The following DCLK1 variants were observed in gnomAD, a reference collection of about 807,000 sequenced individuals.
DCLK1 encodes the protein doublecortin like kinase 1.
Under a neutral mutation model 86.2 loss-of-function variants are expected in DCLK1, and 16 were observed. The observed-to-expected ratio is 0.19, with a 90% confidence interval of 0.13 to 0.28. DCLK1 has a LOEUF of 0.28. Among genes scored for constraint, DCLK1 ranks in the 10% least tolerant of loss-of-function variants. The pLI, the probability that DCLK1 is intolerant of heterozygous loss-of-function variation, is 1.00. For missense variants in DCLK1, 590 were observed against 940.2 expected, an observed-to-expected ratio of 0.63 and a Z score of 4.87; for synonymous variants, 369 against 370.5, an observed-to-expected ratio of 1.00 and a Z score of 0.05.
At chr13:35,840,054 A>T (rs1282763077) in intron 6 of DCLK1, among the ~76,000 whole-genome samples, 1 of 152,130 alleles carries the variant, frequency 6.6e-6, no homozygotes, top group Non-Finnish European at 1.5e-5. Context: ...GGTTGGCCTG[A>T]TGGGAGCAGG....
At chr13:35,982,260 A>T (rs1318170526) in intron 3 of DCLK1, among the ~76,000 whole-genome samples, 1 of 151,956 alleles carries the variant, frequency 6.6e-6, no homozygotes, top group South Asian at 2.1e-4. Flanking sequence ...CGTGCCTGTA[A>T]TCCCCTTGCT....
chr13:35,797,006 G>A (rs1332439827), intron 15 of DCLK1, among the ~76,000 whole-genome samples: 1 of 152,136 alleles, frequency 6.6e-6, no homozygotes. Context: ...TCTGTCAAGT[G>A]GAGACTGGGT....
intron 3 of DCLK1, among the ~76,000 whole-genome samples, chr13:35,989,711 C>CTTT (rs567228278): frequency 0.33 from 44,768 of 133,756 alleles, 8,356 homozygotes; most frequent in Non-Finnish European, 0.42. Context: ...GGCTAATTGG[C>CTTT]TTTTTTTTTT....
chr13:36,111,928 C>T lies in DCLK1; in HGVS notation c.664G>A (p.Asp222Asn), dbSNP rs1185208328. 6.2e-7 allele frequency: 1 copy of T among 1,614,216 alleles called. No individual in the cohort carries two copies. The highest frequency in any genetic ancestry group is 8.5e-7 in the Non-Finnish European group (1 of 1,180,054). ...SFEQVLTDIT[D>N]AIKLDSGVVK... is the part of the protein sequence containing the mutation. ...ACTCCCGAGTCCAGCTTGATGGCAT[C>T]GGTGATATCGGTGAGGACCTGCTCA... is the stretch of plus-strand genomic sequence containing the variant. Residue 222 changes from aspartate (D) to asparagine (N), a missense_variant, in exon 3 of 17, where the codon GAT becomes AAT. Transcript: ENST00000360631.
intron 3 of DCLK1, among the ~76,000 whole-genome samples, chr13:35,982,617 T>G (rs564543312): frequency 6.6e-6 from 1 of 152,256 alleles, no homozygotes; most frequent in East Asian, 1.9e-4. Flanking sequence ...TTACTATAAA[T>G]AACACAAGCG....
chr13:35,854,275 A>G (rs148467743), intron 6 of DCLK1, among the ~76,000 whole-genome samples: 1 of 152,362 alleles, frequency 6.6e-6, no homozygotes, highest in Admixed American at 6.5e-5. Flanking sequence ...AAAGTGAAGT[A>G]GCAAAGGTGC....
chr13:35,886,007 CTTTT>C (rs10589320), intron 4 of DCLK1, among the ~76,000 whole-genome samples: 3 of 130,712 alleles, frequency 2.3e-5, no homozygotes, highest in Non-Finnish European at 3.2e-5. Context: ...GAATAGGTTC[CTTTT>C]TTTTTTTTTT....
intron 4 of DCLK1, among the ~76,000 whole-genome samples, chr13:35,914,798 CAG>C (rs1875314024): frequency 6.6e-6 from 1 of 151,740 alleles, no homozygotes; most frequent in South Asian, 2.1e-4. Flanking sequence ...CACGAAAAGA[CAG>C]AAGTTTTTTT....
intron 3 of DCLK1, among the ~76,000 whole-genome samples, chr13:36,102,867 T>C (rs8002301): frequency 0.68 from 103,586 of 152,052 alleles, 36,062 homozygotes; most frequent in East Asian, 0.98. Context: ...AGTCAGAAGA[T>C]AGACAAAAGA....
intron 11 of DCLK1, among the ~76,000 whole-genome samples, chr13:35,815,005 A>G (rs906092044): frequency 9.9e-5 from 15 of 152,230 alleles, no homozygotes; most frequent in African/African-American, 3.1e-4. Context: ...TTAAATGGCA[A>G]CAATTATGAA....
chr13:36,036,005 A>G (rs1256576220), intron 3 of DCLK1, among the ~76,000 whole-genome samples: 1 of 152,082 alleles, frequency 6.6e-6, no homozygotes. Flanking sequence ...TGGAGGCAGG[A>G]CTTGGACACT....
Position 36,038,606 on chromosome 13 carries a change from T to C in DCLK1, c.723+73263A>G, listed in dbSNP as rs80158342. Among the ~76,000 whole-genome samples the C allele has an allele frequency of 7.3e-3, 1,116 of 152,286 alleles. 20 individuals carry two copies. Among genetic ancestry groups the C allele is most frequent in the South Asian group, 0.047 (226 of 4,818 alleles). ...AGCAACTTATGCACAACTGATCTTT[T>C]AGAAGCAACATATTTGGTGATGCTA... On this transcript the variant is annotated intron_variant, in intron 3 of 16. Coordinates refer to ENST00000360631, the MANE Select transcript of DCLK1 (RefSeq NM_001330071.2).
chr13:35,861,357 T>C (rs1355770096), intron 5 of DCLK1, among the ~76,000 whole-genome samples: 1 of 152,160 alleles, frequency 6.6e-6, no homozygotes, highest in South Asian at 2.1e-4. Context: ...ATGGTCATGA[T>C]AGGGGAATTG....
intron 15 of DCLK1, among the ~76,000 whole-genome samples, chr13:35,797,046 C>T (rs1204920521): frequency 1.3e-5 from 2 of 152,222 alleles, no homozygotes; most frequent in South Asian, 4.2e-4. Flanking sequence ...GTCAACGTGA[C>T]CTATTAGGGC....
intron 12 of DCLK1, among the ~76,000 whole-genome samples, chr13:35,809,509 T>G (rs1373094393): frequency 6.6e-6 from 1 of 152,212 alleles, no homozygotes; most frequent in African/African-American, 2.4e-5. Context: ...TCGTACTTTG[T>G]TTTCCTAGCA....
intron 3 of DCLK1, among the ~76,000 whole-genome samples, chr13:35,960,943 A>T (rs1878423462): frequency 6.6e-6 from 1 of 152,198 alleles, no homozygotes; most frequent in Admixed American, 6.5e-5. Flanking sequence ...CAGTCCATTT[A>T]TGTACAGAAC....
chr13:35,875,834 T>A (rs1447547078), intron 4 of DCLK1, among the ~76,000 whole-genome samples: 1 of 152,196 alleles, frequency 6.6e-6, no homozygotes, highest in Non-Finnish European at 1.5e-5. Context: ...TTGTGTGAAC[T>A]CTTGGTATTC....
At chr13:35,806,526 T>C (rs907200487) in intron 14 of DCLK1, among the ~76,000 whole-genome samples, 1 of 152,202 alleles carries the variant, frequency 6.6e-6, no homozygotes. Flanking sequence ...GATTAGAAGT[T>C]CCCATGTCAC....
chr13:35,825,076 C>A (rs988592338), intron 10 of DCLK1, among the ~76,000 whole-genome samples: 1 of 152,216 alleles, frequency 6.6e-6, no homozygotes, highest in South Asian at 2.1e-4. Flanking sequence ...AGGCTAAAGT[C>A]CTGTGCCTGA....
Sources: allele counts gnomAD v4.1 joint callset (sites outside exome capture counted in the v4.1 genomes callset), GRCh38; gene constraint gnomAD v4.1.1; transcripts MANE v1.5; gene names NCBI Gene and HGNC (gene_info 2026-07-23, HGNC 2026-07-21).